ZBTB21: variants seen among roughly 807,000 people sequenced by gnomAD.
The protein encoded by ZBTB21 is zinc finger and BTB domain containing 21, also known as zinc finger and BTB domain-containing protein 21.
A neutral mutation model predicts 39.8 loss-of-function variants in ZBTB21; 10 were observed. The observed-to-expected ratio is 0.25, with a 90% CI of 0.16 to 0.43. The LOEUF is 0.43. Among genes scored for constraint, ZBTB21 ranks in the 20% least tolerant of loss-of-function variants. The pLI is 1.00. For synonymous variants in ZBTB21, 551 were observed against 498.8 expected, an observed-to-expected ratio of 1.10 and a Z score of -1.40; for missense variants, 1,221 against 1,296.3, an observed-to-expected ratio of 0.94 and a Z score of 0.89.
Position 41,990,813 on chromosome 21 carries a change from A to ATAAAAAG in ZBTB21, c.*81_*82insCTTTTTA. 7.6e-7 allele frequency: 1 copy of ATAAAAAG among 1,312,936 alleles called. No homozygotes were observed. The highest frequency in any genetic ancestry group is 1.0e-6 in the Non-Finnish European group (1 of 998,384). The allele number at this position is 1,312,936 out of a possible 1,614,324, so 81.3% of individuals were successfully genotyped here. On this transcript the variant is annotated 3_prime_UTR_variant, in exon 3 of 3. Transcript: ENST00000310826. ...CAACCTTTATTATTCTTGTTTAAAA[A>ATAAAAAG]ATATTTTGTTTCTTATGACACATTT...
chr21:42,005,249 C>A (rs1159952390), intron 1 of ZBTB21, among the ~76,000 whole-genome samples: 12 of 152,212 alleles, frequency 7.9e-5, no homozygotes. Flanking sequence ...TATAGAAGAA[C>A]TGCTCTTGTC....
Position 41,991,094 on chromosome 21 carries a change from G to A in ZBTB21, c.3002C>T (p.Pro1001Leu). The A allele has an allele frequency of 6.2e-7, 1 of 1,612,260 alleles. No individual in the cohort carries two copies. The highest frequency in any genetic ancestry group is 1.1e-5 in the South Asian group (1 of 90,720). ...PPLPKIQPLE[P>L]DSPTGLSENP... The stretch of plus-strand genomic sequence containing the variant: ...TTCGGACAGGCCTGTGGGGCTGTCA[G>A]GCTCCAGAGGCTGGATCTTGGGCAG... The change falls in exon 3 of 3, where the codon CCT becomes CTT. Residue 1001 changes from proline to leucine, a missense_variant. Coordinates refer to ENST00000310826, the MANE Select transcript of ZBTB21 (RefSeq NM_001098402.2). The surrounding 1 kb of genome is among the most constrained non-coding windows in gnomAD (Gnocchi z 4.9).
intron 1 of ZBTB21, among the ~76,000 whole-genome samples, chr21:42,003,580 A>G (rs1450355650): frequency 1.3e-5 from 2 of 152,170 alleles, no homozygotes; most frequent in African/African-American, 4.8e-5. Context: ...GAATATCTCT[A>G]GTCCAAAAAC....
At chr21:42,010,142 G>A (rs1045659224) in intron 1 of ZBTB21, 110 bp downstream of exon 1, 8 of 389,234 alleles carry the variant, frequency 2.1e-5, no homozygotes, top group Admixed American at 4.4e-5. Flanking sequence ...AAAAAGAGGA[G>A]AGAAATCACC....
intron 2 of ZBTB21, chr21:42,002,257 T>A (rs12482509): frequency 6.6e-6 from 1 of 152,154 alleles, no homozygotes; most frequent in Admixed American, 6.5e-5. Context: ...TTGAAAACAA[T>A]GTACCCTTTC....
intron 1 of ZBTB21, among the ~76,000 whole-genome samples, chr21:42,003,280 C>T (rs758773041): frequency 3.3e-5 from 5 of 152,204 alleles, no homozygotes; most frequent in African/African-American, 9.7e-5. Context: ...CAGATGCTTG[C>T]GTGGGCCTGC....
In ZBTB21 at chr21:41,993,001, T is replaced by C. The variant is rs112138711; in HGVS notation, c.1095A>G (p.Ser365=). 2.0e-5 allele frequency: 32 copies of C among 1,614,086 alleles called. No individual in the cohort carries two copies. In the African/African-American group the frequency reaches 2.3e-4, roughly 11 times the overall value. Residue 365 remains serine, a synonymous_variant, in exon 3 of 3, where the codon TCA becomes TCG. Transcript: ENST00000310826. ...PSIDLKSSQG[S]SSVSSDAPGN... ...CTGGTGCATCACTGGACACCGAAGA[T>C]GATCCCTGGGAAGATTTCAAATCTA...
At chr21:41,996,431 T>G (rs1729189078) in intron 2 of ZBTB21, among the ~76,000 whole-genome samples, 1 of 152,220 alleles carries the variant, frequency 6.6e-6, no homozygotes, top group Admixed American at 6.5e-5. Flanking sequence ...ATTCTGGACT[T>G]GCACCGGGGC....
At chr21:42,003,893 G>A (rs779701139) in intron 1 of ZBTB21, among the ~76,000 whole-genome samples, 3 of 151,950 alleles carry the variant, frequency 2.0e-5, no homozygotes, top group Admixed American at 6.6e-5. Context: ...CCAATTCCCT[G>A]GAATGGCTAC....
At chr21:41,995,867 G>C (rs1261638897) in intron 2 of ZBTB21, among the ~76,000 whole-genome samples, 1 of 152,258 alleles carries the variant, frequency 6.6e-6, no homozygotes, top group Admixed American at 6.5e-5. Context: ...AAGGGGCCAA[G>C]GTACAGCTTG....
chr21:42,009,778 A>C (rs1184101987), intron 1 of ZBTB21, among the ~76,000 whole-genome samples: 8 of 151,936 alleles, frequency 5.3e-5, no homozygotes, highest in Non-Finnish European at 1.0e-4. Flanking sequence ...GGGGTCCCCA[A>C]GGCCGCCGGC....
rs776330374 is a variant in ZBTB21 at position 41,992,208 on chromosome 21, C to T, written c.1888G>A (p.Glu630Lys). ...TTAATGATCAGGGCCTTCTTAATTT[C>T]TCTCTCTCTCACTATGTCAATCAGC... The part of the protein sequence containing the change: ...RKLIDIVRER[E>K]IKKALIIKLR... The change falls in exon 3 of 3, where the codon GAA becomes AAA. Residue 630 changes from glutamate to lysine, a missense_variant. Physicochemically the swap from Glu to Lys is moderately conservative, Grantham distance 56. Coordinates refer to ENST00000310826, the MANE Select transcript of ZBTB21 (RefSeq NM_001098402.2). The surrounding 1 kb of genome is among the most constrained non-coding windows in gnomAD (Gnocchi z 4.1). 1 of 1,613,824 alleles carries T rather than the reference C, an allele frequency of 6.2e-7. No homozygotes were observed. The highest frequency in any genetic ancestry group is 8.5e-7 in the Non-Finnish European group (1 of 1,179,926).
intron 2 of ZBTB21, among the ~76,000 whole-genome samples, chr21:41,994,909 CTGA>C (rs1488333245): frequency 6.6e-6 from 1 of 152,146 alleles, no homozygotes; most frequent in African/African-American, 2.4e-5. Flanking sequence ...CTCATGAGAT[CTGA>C]TGATTTTATA....
chr21:42,008,298 G>T (rs539768049), intron 1 of ZBTB21, among the ~76,000 whole-genome samples: 1 of 121,480 alleles, frequency 8.2e-6, no homozygotes, highest in South Asian at 2.7e-4. Context: ...GAGGTCAGGA[G>T]ATCTCAAGGC....
Position 41,991,126 on chromosome 21 carries a change from T to C in ZBTB21, c.2970A>G (p.Pro990=), listed in dbSNP as rs2065645712. ...NSPSPPPLPP[P]PPLPKIQPLE... is the part of the protein sequence containing the mutation. ...GAGGCTGGATCTTGGGCAGTGGTGGTGGCGGTGGCAGAGGTGGTGGAGAGG... is the reference window on the plus strand; with the variant it reads ...GAGGCTGGATCTTGGGCAGTGGTGGCGGCGGTGGCAGAGGTGGTGGAGAGG... Residue 990 remains proline (P), a synonymous_variant, in exon 3 of 3, where the codon CCA becomes CCG. Transcript: ENST00000310826. The surrounding 1 kb of genome is among the most constrained non-coding windows in gnomAD (Gnocchi z 4.9). 1 of 1,613,728 alleles carries C rather than the reference T, an allele frequency of 6.2e-7. No homozygotes were observed. Among genetic ancestry groups the C allele is most frequent in the Non-Finnish European group, 8.5e-7 (1 of 1,179,792 alleles).
chr21:41,990,398 G>T lies in ZBTB21; in HGVS notation c.*497C>A, dbSNP rs1391052171. The T allele has an allele frequency of 5.2e-5, 8 of 152,556 alleles. No homozygotes were observed. Among genetic ancestry groups the T allele is most frequent in the Non-Finnish European group, 1.2e-4 (8 of 68,026 alleles). 9.5% of individuals were successfully genotyped at this position (152,556 alleles called of 1,614,324 possible). A position where few individuals can be genotyped will look rare whatever the true frequency, so the allele number is the denominator to read the frequency against. On this transcript the variant is annotated 3_prime_UTR_variant, in exon 3 of 3. Coordinates refer to ENST00000310826, the MANE Select transcript of ZBTB21 (RefSeq NM_001098402.2). Reference sequence around the variant, plus strand: ...TCAAGTGTCAGGATAACTTATTAAAGTTGAGATTTATCTTTTATTGCTAAA... The same window carrying T: ...TCAAGTGTCAGGATAACTTATTAAATTTGAGATTTATCTTTTATTGCTAAA...
chr21:41,991,660 G>T lies in ZBTB21; in HGVS notation c.2436C>A (p.Pro812=). The change falls in exon 3 of 3, where the codon CCC becomes CCA. Residue 812 remains proline, a synonymous_variant. Transcript: ENST00000310826. The surrounding 1 kb of genome is among the most constrained non-coding windows in gnomAD (Gnocchi z 4.9). The part of the protein sequence containing the change: ...NMAPTENFSL[P]VLDHNGDVTG... ...TCACATCACCATTGTGGTCCAAAAC[G>T]GGCAAAGAAAAGTTTTCGGTGGGTG... 1 of 1,614,182 alleles carries T rather than the reference G, an allele frequency of 6.2e-7. No individual in the cohort carries two copies. The highest frequency in any genetic ancestry group is 8.5e-7 in the Non-Finnish European group (1 of 1,180,024).
chr21:41,992,206 T>TTCTC lies in ZBTB21; in HGVS notation c.1886_1889dup (p.Ile631ArgfsTer3). The TTCTC allele has an allele frequency of 6.2e-7, 1 of 1,614,044 alleles. No homozygotes were observed. Among genetic ancestry groups the TTCTC allele is most frequent in the Non-Finnish European group, 8.5e-7 (1 of 1,179,988 alleles). On this transcript the variant is annotated frameshift_variant, in exon 3 of 3. Transcript: ENST00000310826. LOFTEE classifies it high-confidence loss of function. This position sits in a 1 kb window ranked among gnomAD's most constrained non-coding sequence, Gnocchi z 4.1. ...ACTTAATGATCAGGGCCTTCTTAATTTCTCTCTCTCTCACTATGTCAATCA... is the reference window on the plus strand; with the variant it reads ...ACTTAATGATCAGGGCCTTCTTAATTTCTCTCTCTCTCTCTCACTATGTCAATCA...
intron 2 of ZBTB21, among the ~76,000 whole-genome samples, chr21:42,001,571 G>C (rs1266907002): frequency 6.6e-6 from 1 of 152,226 alleles, no homozygotes; most frequent in Non-Finnish European, 1.5e-5. Context: ...AGGTGAGATG[G>C]AGGCCAGGAA....
Sources: gnomAD v4.1 joint callset for allele counts (sites outside exome capture counted in the v4.1 genomes callset) on GRCh38, gnomAD v4.1.1 for gene constraint, Gnocchi (gnomAD v3.1) non-coding constraint, MANE v1.5 for transcripts, NCBI Gene and HGNC (gene_info 2026-07-23, HGNC 2026-07-21) for gene names.